The following SARM1 variants were observed in gnomAD, a reference collection of about 807,000 sequenced individuals.
The protein encoded by SARM1 is sterile alpha and TIR motif containing 1.
In SARM1, 60 loss-of-function variants were observed where a neutral mutation model predicts 65.1. That is an observed-to-expected ratio of 0.92 (90% CI 0.75 to 1.14). The LOEUF is 1.14. Ranked by LOEUF, SARM1 falls within the 50% of genes most tolerant of loss-of-function variation. The pLI, the probability that SARM1 is intolerant of heterozygous loss-of-function variation, is 0.00. For synonymous variants in SARM1, 417 were observed against 465.4 expected (o/e 0.90, Z 1.34); for missense variants, 913 against 1,015.7 (o/e 0.90, Z 1.37).
chr17:28,373,603 C>T (rs1304936253), intron 1 of SARM1: 1 of 152,210 alleles, frequency 6.6e-6, no homozygotes, highest in Non-Finnish European at 1.5e-5. Flanking sequence ...AACCTCCCAT[C>T]TGACATCCGT....
rs377273882 is a variant in SARM1, at chr17:28,388,834, G to C, written c.1923+295G>C. 4.0e-5 allele frequency among the ~76,000 whole-genome samples: 6 copies of C among 149,782 alleles called. 1 individual carries two copies. Among genetic ancestry groups the C allele is most frequent in the African/African-American group, 1.2e-4 (5 of 40,602 alleles). On this transcript the variant is annotated intron_variant, in intron 7 of 8. Coordinates refer to ENST00000585482, the MANE Select transcript of SARM1 (RefSeq NM_015077.4). ...CACTCAGGCTGGAGTGCAATGGCGT[G>C]ATCTTGGCTCACTGCAAGCTCCACC...
chr17:28,385,183 C>G lies in SARM1; in HGVS notation c.1538C>G (p.Ser513Cys). The change falls in exon 5 of 9, where the codon TCC becomes TGC. Residue 513 changes from serine (S) to cysteine (C), a missense_variant. Physicochemically the swap from Ser to Cys is moderately radical, Grantham distance 112 (BLOSUM62 -1). Transcript: ENST00000585482. The surrounding 1 kb of genome is among the most constrained non-coding windows in gnomAD (Gnocchi z 4.5). The part of the protein sequence containing the change: ...YGLVSCGLDR[S>C]LLHRVSEQQL... ...CTGGTCAGCTGCGGCCTGGACCGCT[C>G]CCTGCTGCACCGCGTGTCTGAGCAG... 6.2e-7 allele frequency: 1 copy of G among 1,608,950 alleles called. No homozygotes were observed. Among genetic ancestry groups the G allele is most frequent in the Non-Finnish European group, 8.5e-7 (1 of 1,178,718 alleles).
Position 28,372,382 on chromosome 17 carries a change from G to A in SARM1, c.350G>A (p.Cys117Tyr), listed in dbSNP as rs2067963079. The A allele has an allele frequency of 2.0e-6, 3 of 1,527,870 alleles. No individual in the cohort carries two copies. Among genetic ancestry groups the A allele is most frequent in the Non-Finnish European group, 2.6e-6 (3 of 1,143,950 alleles). The allele number at this position is 1,527,870 out of a possible 1,614,324, so 94.6% of individuals were successfully genotyped here. A position where few individuals can be genotyped will look rare whatever the true frequency, so the allele number is the denominator to read the frequency against. The change falls in exon 1 of 9, where the codon TGC (cysteine) becomes TAC (tyrosine). Residue 117 changes from cysteine (C) to tyrosine (Y), a missense_variant. Cys to Tyr is a radical substitution (Grantham distance 194). Around this residue, in one of 3 missense-constraint regions of SARM1, gnomAD observed 862 missense variants for 952.1 expected, o/e 0.91. Transcript: ENST00000585482. This position sits in a 1 kb window ranked among gnomAD's most constrained non-coding sequence, Gnocchi z 5.2. ...AVGREVAQGL[C>Y]DAIRLDGGLD... The stretch of plus-strand genomic sequence containing the variant: ...GGCCGCGAGGTAGCCCAGGGTCTGT[G>A]CGACGCCATCCGCCTCGATGGCGGC...
In SARM1 at chr17:28,384,640, C is replaced by A; in HGVS notation, c.1302+71C>A. The A allele has an allele frequency of 1.4e-6, 2 of 1,422,788 alleles. No homozygotes were observed. The highest frequency in any genetic ancestry group is 1.9e-6 in the Non-Finnish European group (2 of 1,053,568). 88.1% of individuals were successfully genotyped at this position (1,422,788 alleles called of 1,614,324 possible). ...CTGTGCACAGGGACTGCGTTCCCTC[C>A]CCGCCTCGCAATCCCGCGGCGCCAG... On this transcript the variant is annotated intron_variant, in intron 3 of 8. Coordinates refer to ENST00000585482, the MANE Select transcript of SARM1 (RefSeq NM_015077.4). This position sits in a 1 kb window ranked among gnomAD's most constrained non-coding sequence, Gnocchi z 4.4.
Position 28,396,786 on chromosome 17 carries a change from C to T in SARM1, c.*500C>T. On this transcript the variant is annotated 3_prime_UTR_variant, in exon 9 of 9. Coordinates refer to ENST00000585482, the MANE Select transcript of SARM1 (RefSeq NM_015077.4). ...CCACTCAGACTGTGCCTGGCCCCTG[C>T]ACTTACAACTTCCTGCCGCTCTGTG... 1 of 158,436 alleles carries T rather than the reference C, an allele frequency of 6.3e-6. No homozygotes were observed. The highest frequency in any genetic ancestry group is 1.4e-5 in the Non-Finnish European group (1 of 71,918). The allele number at this position is 158,436 out of a possible 1,614,324, so 9.8% of individuals were successfully genotyped here. A position where few individuals can be genotyped will look rare whatever the true frequency, so the allele number is the denominator to read the frequency against.
At chr17:28,390,809 G>T (rs1555586760) in intron 7 of SARM1, among the ~76,000 whole-genome samples, 1 of 152,184 alleles carries the variant, frequency 6.6e-6, no homozygotes, top group East Asian at 1.9e-4. Flanking sequence ...CCAGGCCAGG[G>T]TAACAGCATG....
At chr17:28,387,926 A>G (rs2068060254) in intron 5 of SARM1, 1 of 517,872 alleles carries the variant, frequency 1.9e-6, no homozygotes, top group Non-Finnish European at 3.5e-6. Flanking sequence ...TTCCAGAGAG[A>G]GGTCAGGGCT....
At chr17:28,389,210 G>A (rs908442795) in intron 7 of SARM1, among the ~76,000 whole-genome samples, 9 of 152,148 alleles carry the variant, frequency 5.9e-5, no homozygotes, top group Non-Finnish European at 1.3e-4. Flanking sequence ...ACCCCGATAA[G>A]CTTCATATTT....
chr17:28,387,851 A>G, intron 5 of SARM1: 1 of 345,652 alleles, frequency 2.9e-6, no homozygotes, highest in Non-Finnish European at 5.4e-6. Flanking sequence ...AGAAGGAATG[A>G]GGGGGAGATT....
intron 1 of SARM1, among the ~76,000 whole-genome samples, chr17:28,376,477 A>G (rs1332537075): frequency 6.6e-6 from 1 of 150,760 alleles, no homozygotes; most frequent in Non-Finnish European, 1.5e-5. Flanking sequence ...GGAGGCTGAG[A>G]CATGAGAATC....
intron 7 of SARM1, among the ~76,000 whole-genome samples, chr17:28,388,898 G>C (rs1454778716): frequency 6.6e-6 from 1 of 151,732 alleles, no homozygotes; most frequent in Non-Finnish European, 1.5e-5. Context: ...AGCCTCCCGA[G>C]TAGCTGGGAC....
rs141992236 is a variant in SARM1 at position 28,400,676 on chromosome 17, T to C, written c.*4390T>C. On this transcript the variant is annotated 3_prime_UTR_variant, in exon 9 of 9. Coordinates refer to ENST00000585482, the MANE Select transcript of SARM1 (RefSeq NM_015077.4). ...GAGGAAGGGGAACCCCTTCATAAAG[T>C]TCAGAGTGGCTGGGTAGAGTGAGTT... 109 of 1,613,314 alleles carry C rather than the reference T, an allele frequency of 6.8e-5. 1 individual carries two copies. The African/African-American group carries it at 1.2e-3, about 17-fold the overall frequency.
At chr17:28,393,270 C>A (rs187662465) in intron 7 of SARM1, among the ~76,000 whole-genome samples, 4 of 152,070 alleles carry the variant, frequency 2.6e-5, no homozygotes, top group African/African-American at 9.7e-5. Flanking sequence ...AACAGAGGAA[C>A]GAGTGTGGTA....
At position 28,381,835 on chromosome 17, in the gene SARM1, T is replaced by C. The variant is rs1253420716; in HGVS notation, c.1089+14T>C. 2.1e-6 allele frequency: 3 copies of C among 1,425,152 alleles called. No individual in the cohort carries two copies. Among genetic ancestry groups the C allele is most frequent in the Middle Eastern group, 3.7e-4 (2 of 5,400 alleles). 88.3% of individuals were successfully genotyped at this position (1,425,152 alleles called of 1,614,324 possible). A position where few individuals can be genotyped will look rare whatever the true frequency, so the allele number is the denominator to read the frequency against. On this transcript the variant is annotated intron_variant, in intron 2 of 8. Transcript: ENST00000585482. Reference sequence around the variant, plus strand: ...GGCAAGACCAAGGTGGGTGCAGATGTGGGGTTGGGTGGATCAGGGGTTAGA... The same window carrying C: ...GGCAAGACCAAGGTGGGTGCAGATGCGGGGTTGGGTGGATCAGGGGTTAGA...
At position 28,371,973 on chromosome 17, in the gene SARM1, C is replaced by G; in HGVS notation, c.-60C>G. ...TCTCGGGTCCCTCTTTTCCCAAAAC[C>G]CGGGTCTCTCCGCGTGGCCCCGCCT... is the stretch of plus-strand genomic sequence containing the variant. On this transcript the variant is annotated 5_prime_UTR_variant, in exon 1 of 9. Transcript: ENST00000585482. 1 of 1,316,732 alleles carries G rather than the reference C, an allele frequency of 7.6e-7. No individual in the cohort carries two copies. Among genetic ancestry groups the G allele is most frequent in the Admixed American group, 3.3e-5 (1 of 30,402 alleles). 81.6% of individuals were successfully genotyped at this position (1,316,732 alleles called of 1,614,324 possible).
intron 1 of SARM1, among the ~76,000 whole-genome samples, chr17:28,375,598 A>G (rs1555584515): frequency 6.6e-6 from 1 of 151,568 alleles, no homozygotes; most frequent in Non-Finnish European, 1.5e-5. Flanking sequence ...TCCATCTAAA[A>G]AAAAAAAAAA....
chr17:28,381,838 G>A lies in SARM1; in HGVS notation c.1089+17G>A. 7.0e-7 allele frequency: 1 copy of A among 1,425,656 alleles called. No individual in the cohort carries two copies. The highest frequency in any genetic ancestry group is 9.2e-7 in the Non-Finnish European group (1 of 1,091,906). The allele number at this position is 1,425,656 out of a possible 1,614,324, so 88.3% of individuals were successfully genotyped here. A position where few individuals can be genotyped will look rare whatever the true frequency, so the allele number is the denominator to read the frequency against. ...AAGACCAAGGTGGGTGCAGATGTGG[G>A]GTTGGGTGGATCAGGGGTTAGAGAG... On this transcript the variant is annotated intron_variant, in intron 2 of 8. Transcript: ENST00000585482.
At position 28,388,562 on chromosome 17, in the gene SARM1, G is replaced by A. The variant is rs147478392; in HGVS notation, c.1923+23G>A. On this transcript the variant is annotated intron_variant, in intron 7 of 8. Coordinates refer to ENST00000585482, the MANE Select transcript of SARM1 (RefSeq NM_015077.4). ...AAGGTAGGTGCCTGCCTATGCTTCT[G>A]CGGTCCCAGCATTGGCCTGTGGTCC... 1.5e-5 allele frequency: 24 copies of A among 1,605,884 alleles called. No individual in the cohort carries two copies. In the African/African-American group the frequency reaches 2.7e-4, roughly 18 times the overall value.
rs1555584211 is a variant in SARM1 at position 28,372,444 on chromosome 17, T to G, written c.412T>G (p.Leu138Val). Reference protein sequence around the residue: ...LLLRLLQAPELETRVQAARLL... With the variant: ...LLLRLLQAPEVETRVQAARLL... Reference sequence around the variant, plus strand: ...GTTGCGGCTGCTGCAGGCGCCGGAGTTGGAGACGCGTGTGCAGGCCGCGCG... The same window carrying G: ...GTTGCGGCTGCTGCAGGCGCCGGAGGTGGAGACGCGTGTGCAGGCCGCGCG... The change falls in exon 1 of 9, where the codon TTG becomes GTG. Residue 138 changes from leucine to valine, a missense_variant. By Grantham distance (32) the Leu-to-Val change is conservative (BLOSUM62 1). This residue lies in a region of SARM1 where 862 missense variants were observed against 952.1 expected (regional missense o/e 0.91). Transcript: ENST00000585482. This position sits in a 1 kb window ranked among gnomAD's most constrained non-coding sequence, Gnocchi z 5.2. 1.6e-5 allele frequency: 24 copies of G among 1,530,032 alleles called. No individual in the cohort carries two copies. The highest frequency in any genetic ancestry group is 2.0e-5 in the Non-Finnish European group (23 of 1,145,264). 94.8% of individuals were successfully genotyped at this position (1,530,032 alleles called of 1,614,324 possible).
Sources: gnomAD v4.1 joint callset for allele counts (sites outside exome capture counted in the v4.1 genomes callset) on GRCh38, gnomAD v4.1.1 for gene constraint, gnomAD v4.1.1 regional missense constraint, Gnocchi (gnomAD v3.1) non-coding constraint, MANE v1.5 for transcripts, NCBI Gene and HGNC (gene_info 2026-07-23, HGNC 2026-07-21) for gene names.